SCAF4: variants seen among roughly 807,000 people sequenced by gnomAD.
SCAF4 encodes the protein SR-related and CTD-associated factor 4.
A neutral mutation model predicts 129.8 loss-of-function variants in SCAF4; 25 were observed. The observed-to-expected ratio is 0.19, with a 90% confidence interval of 0.14 to 0.27. SCAF4 has a LOEUF of 0.27. Among genes scored for constraint, SCAF4 ranks in the 10% least tolerant of loss-of-function variants. SCAF4 has a pLI of 1.00. For synonymous variants in SCAF4, 551 were observed against 497.7 expected, an observed-to-expected ratio of 1.11 and a Z score of -1.43; for missense variants, 1,246 against 1,457.1, an observed-to-expected ratio of 0.86 and a Z score of 2.36.
intron 15 of SCAF4, among the ~76,000 whole-genome samples, chr21:31,688,855 ATTAT>A (rs995179361): frequency 2.0e-5 from 3 of 152,266 alleles, no homozygotes; most frequent in Non-Finnish European, 4.4e-5. Flanking sequence ...ACAAGAATGT[ATTAT>A]TTAAAGTATT....
chr21:31,731,117 AACACCCTCTTCAACTCC>A (rs1192077309), intron 1 of SCAF4, among the ~76,000 whole-genome samples: 2 of 152,192 alleles, frequency 1.3e-5, no homozygotes, highest in Admixed American at 1.3e-4. Flanking sequence ...AAGGGGGATG[AACACCCTCTTCAACTCC>A]TCCCAGACCC....
At chr21:31,689,843 G>C (rs1177971120) in intron 15 of SCAF4, among the ~76,000 whole-genome samples, 2 of 151,792 alleles carry the variant, frequency 1.3e-5, no homozygotes, top group East Asian at 2.0e-4. Flanking sequence ...GCTGAGGCAG[G>C]AGAATCACTG....
At position 31,685,420 on chromosome 21, in the gene SCAF4, A is replaced by T. The variant is rs201359205; in HGVS notation, c.2274T>A (p.Thr758=). ...TACAGTTTGGGATGCTTATTGGTGG[A>T]GTGTGAGGAGGAGGAATGGATACTG... ...TPPVSIPPPH[T]PPISIPNSTI... The change falls in exon 18 of 20, where the codon ACT becomes ACA. Residue 758 remains threonine, a synonymous_variant. Coordinates refer to ENST00000286835, the MANE Select transcript of SCAF4 (RefSeq NM_020706.2). 2 of 1,612,830 alleles carry T rather than the reference A, an allele frequency of 1.2e-6. No individual in the cohort carries two copies. The highest frequency in any genetic ancestry group is 1.7e-6 in the Non-Finnish European group (2 of 1,179,382).
chr21:31,683,956 C>A lies in SCAF4; in HGVS notation c.2488+1093G>T, dbSNP rs149349087. ...AAATAAACTCAAGGCTATTATCAGCCTAAGCTTAGTCTAGGGGAGGGCAGA... is the reference window on the plus strand; with the variant it reads ...AAATAAACTCAAGGCTATTATCAGCATAAGCTTAGTCTAGGGGAGGGCAGA... On this transcript the variant is annotated intron_variant, in intron 19 of 19. Coordinates refer to ENST00000286835, the MANE Select transcript of SCAF4 (RefSeq NM_020706.2). 6 of 153,506 alleles carry A rather than the reference C, an allele frequency of 3.9e-5. No individual in the cohort carries two copies. The East Asian group carries it at 1.2e-3, about 30-fold the overall frequency. 9.5% of individuals were successfully genotyped at this position (153,506 alleles called of 1,614,324 possible).
At chr21:31,698,139 A>G (rs1272127804) in intron 7 of SCAF4, among the ~76,000 whole-genome samples, 1 of 152,222 alleles carries the variant, frequency 6.6e-6, no homozygotes, top group African/African-American at 2.4e-5. Flanking sequence ...AGTTTGAAGA[A>G]TACTGCTTTA....
Position 31,696,146 on chromosome 21 carries a change from C to A in SCAF4, c.1035G>T (p.Met345Ile), listed in dbSNP as rs944631522. 6.2e-7 allele frequency: 1 copy of A among 1,613,784 alleles called. No homozygotes were observed. Among genetic ancestry groups the A allele is most frequent in the South Asian group, 1.1e-5 (1 of 91,072 alleles). Residue 345 changes from methionine (M) to isoleucine (I), a missense_variant, in exon 9 of 20, where the codon ATG (methionine) becomes ATT (isoleucine). Met to Ile is a conservative substitution (Grantham distance 10). Around this residue, in one of 6 missense-constraint regions of SCAF4, gnomAD observed 236 missense variants for 210.0 expected, o/e 1.12. Transcript: ENST00000286835. Reference sequence around the variant, plus strand: ...GCATTGGATCCTGTTGTATTCCCATCATTCGTGGCTGAAACTGATCCATAT... The same window carrying A: ...GCATTGGATCCTGTTGTATTCCCATAATTCGTGGCTGAAACTGATCCATAT... ...HQNMDQFQPR[M>I]MGIQQDPMHH... is the part of the protein sequence containing the mutation.
chr21:31,718,446 T>C (rs1042918553), intron 1 of SCAF4, among the ~76,000 whole-genome samples: 1 of 152,106 alleles, frequency 6.6e-6, no homozygotes, highest in African/African-American at 2.4e-5. Flanking sequence ...ACTCCTAAGG[T>C]AGAGAAAATT....
chr21:31,690,648 C>T (rs2050237674), intron 15 of SCAF4, 149 bp downstream of exon 15: 1 of 610,818 alleles, frequency 1.6e-6, no homozygotes, highest in Middle Eastern at 3.3e-4. Flanking sequence ...CACTATTTAA[C>T]CCTCAGTTTA....
chr21:31,672,194 C>A lies in SCAF4; in HGVS notation c.2649G>T (p.Pro883=). The A allele has an allele frequency of 6.2e-7, 1 of 1,605,504 alleles. No individual in the cohort carries two copies. The highest frequency in any genetic ancestry group is 8.5e-7 in the Non-Finnish European group (1 of 1,175,060). The change falls in exon 20 of 20, where the codon CCG becomes CCT. Residue 883 remains proline, a synonymous_variant. Coordinates refer to ENST00000286835, the MANE Select transcript of SCAF4 (RefSeq NM_020706.2). ...FPLMPPRPMP[P]HMMHRGPPPG... is the part of the protein sequence containing the mutation. ...GCGGTGGGCCTCTGTGCATCATGTG[C>A]GGTGGCATGGGACGGGGCGGCATCA...
At chr21:31,716,885 G>A (rs1011348472) in intron 1 of SCAF4, among the ~76,000 whole-genome samples, 1 of 152,130 alleles carries the variant, frequency 6.6e-6, no homozygotes, top group Non-Finnish European at 1.5e-5. Context: ...TTACCTGAAA[G>A]CAGAATACTG....
intron 4 of SCAF4, among the ~76,000 whole-genome samples, 184 bp from the exon 5 acceptor site, chr21:31,702,563 G>A (rs2050560114): frequency 6.6e-6 from 1 of 151,604 alleles, no homozygotes; most frequent in African/African-American, 2.4e-5. Context: ...TTCTTCAGTG[G>A]TATCATCTAG....
chr21:31,677,747 A>C lies in SCAF4; in HGVS notation c.2489-5393T>G, dbSNP rs552742675. On this transcript the variant is annotated intron_variant, in intron 19 of 19. Coordinates refer to ENST00000286835, the MANE Select transcript of SCAF4 (RefSeq NM_020706.2). ...GTACCTTCTCAGCATCCTTTGCTGG[A>C]GAGTACAGTATAGATAGTGGTCAAA... Among the ~76,000 whole-genome samples, 4 of 152,208 alleles carry C rather than the reference A, an allele frequency of 2.6e-5. No homozygotes were observed. In the East Asian group the frequency reaches 5.8e-4, roughly 22 times the overall value.
At chr21:31,720,886 G>A (rs1034571208) in intron 1 of SCAF4, among the ~76,000 whole-genome samples, 1 of 152,164 alleles carries the variant, frequency 6.6e-6, no homozygotes, top group Non-Finnish European at 1.5e-5. Context: ...GCCATGCAGA[G>A]GCCGCTAGAT....
chr21:31,707,586 G>A (rs569430043), intron 1 of SCAF4, among the ~76,000 whole-genome samples: 10 of 152,136 alleles, frequency 6.6e-5, no homozygotes, highest in Non-Finnish European at 1.5e-4. Flanking sequence ...ACACTTACCT[G>A]GGACTTCCAA....
chr21:31,692,616 G>C (rs2050285442), intron 12 of SCAF4, among the ~76,000 whole-genome samples, 167 bp from the exon 13 acceptor site: 1 of 152,186 alleles, frequency 6.6e-6, no homozygotes, highest in Non-Finnish European at 1.5e-5. Context: ...AACTGCATTA[G>C]TACTTCCAGA....
intron 7 of SCAF4, 116 bp downstream of exon 7, chr21:31,700,879 C>T: frequency 1.7e-6 from 2 of 1,170,774 alleles, no homozygotes; most frequent in Non-Finnish European, 2.5e-6. Flanking sequence ...GGGAAAATCT[C>T]TCAAATTACA....
At chr21:31,712,607 C>T (rs915521438) in intron 1 of SCAF4, among the ~76,000 whole-genome samples, 5 of 147,804 alleles carry the variant, frequency 3.4e-5, no homozygotes, top group African/African-American at 1.3e-4. Context: ...CGGCTCACTG[C>T]AACCTCCGCC....
intron 1 of SCAF4, among the ~76,000 whole-genome samples, chr21:31,718,944 C>T (rs551807883): frequency 3.4e-4 from 51 of 152,214 alleles, no homozygotes; most frequent in African/African-American, 1.0e-3. Context: ...ATAAATATAA[C>T]ACCATTTTTA....
rs1300644359 is a variant in SCAF4 at position 31,690,819 on chromosome 21, C to T, written c.1863G>A (p.Leu621=). 9.9e-6 allele frequency: 16 copies of T among 1,613,134 alleles called. No homozygotes were observed. In the Admixed American group the frequency reaches 2.7e-4, roughly 27 times the overall value. ...ELESFCEGGM[L]DSDTLNPDWK... Reference sequence around the variant, plus strand: ...TACCTGGGTTAAGTGTGTCACTGTCCAACATTCCTCCTTCACAAAAACTCT... The same window carrying T: ...TACCTGGGTTAAGTGTGTCACTGTCTAACATTCCTCCTTCACAAAAACTCT... The change falls in exon 15 of 20, where the codon TTG becomes TTA. Residue 621 remains leucine, a synonymous_variant. Transcript: ENST00000286835.
Sources: gnomAD v4.1 joint callset for allele counts (sites outside exome capture counted in the v4.1 genomes callset) on GRCh38, gnomAD v4.1.1 for gene constraint, gnomAD v4.1.1 regional missense constraint, MANE v1.5 for transcripts, NCBI Gene and HGNC (gene_info 2026-07-23, HGNC 2026-07-21) for gene names.